GFOD1: variants seen among roughly 807,000 people sequenced by gnomAD.
GFOD1 encodes glucose-fructose oxidoreductase domain-containing protein 1.
GFOD1 carries 9 observed loss-of-function variants against 25.4 expected under a neutral mutation model. That is an observed-to-expected ratio of 0.35 (90% CI 0.21 to 0.62). GFOD1 has a LOEUF of 0.62. Ranked by LOEUF, GFOD1 falls within the 20% of genes least tolerant of loss-of-function variation. GFOD1 has a pLI of 0.72. For missense variants in GFOD1, 403 were observed against 556.9 expected, an observed-to-expected ratio of 0.72 and a Z score of 2.78; for synonymous variants, 253 against 245.6, an observed-to-expected ratio of 1.03 and a Z score of -0.28.
At chr6:13,401,065 C>T (rs994875360) in intron 1 of GFOD1, among the ~76,000 whole-genome samples, 1 of 152,182 alleles carries the variant, frequency 6.6e-6, no homozygotes, top group African/African-American at 2.4e-5. Context: ...TTTCAAATTC[C>T]TTTCTATAAA....
At chr6:13,396,924 G>A (rs1473133225) in intron 1 of GFOD1, among the ~76,000 whole-genome samples, 2 of 152,176 alleles carry the variant, frequency 1.3e-5, no homozygotes, top group African/African-American at 2.4e-5. Context: ...TATTACAACA[G>A]CAAGGGAAAC....
chr6:13,455,129 C>T (rs1286523819), intron 1 of GFOD1, among the ~76,000 whole-genome samples: 1 of 152,196 alleles, frequency 6.6e-6, no homozygotes, highest in Non-Finnish European at 1.5e-5. Flanking sequence ...CACACACCCA[C>T]ACACGCACAC....
At chr6:13,366,360 G>A (rs183666760) in intron 1 of GFOD1, among the ~76,000 whole-genome samples, 5 of 151,870 alleles carry the variant, frequency 3.3e-5, no homozygotes, top group Admixed American at 1.3e-4. Flanking sequence ...TTTTGAGATG[G>A]ATTCTCACCC....
At chr6:13,411,372 A>T (rs1189802824) in intron 1 of GFOD1, among the ~76,000 whole-genome samples, 1 of 152,138 alleles carries the variant, frequency 6.6e-6, no homozygotes, top group Non-Finnish European at 1.5e-5. Context: ...GCTCACAGCA[A>T]CCTTTACCTC....
chr6:13,367,624 G>T (rs1215544290), intron 1 of GFOD1, among the ~76,000 whole-genome samples: 1 of 152,074 alleles, frequency 6.6e-6, no homozygotes, highest in Non-Finnish European at 1.5e-5. Flanking sequence ...AGTGGTTCTG[G>T]GTCTGGGGAA....
chr6:13,360,608 A>G lies in GFOD1; in HGVS notation c.*4135T>C, dbSNP rs1784931724. On this transcript the variant is annotated 3_prime_UTR_variant, in exon 2 of 2. Transcript: ENST00000379287. Reference sequence around the variant, plus strand: ...TGCATCACCTACAATCAAAATGAACATAGGAAGTCAATTTTAAAAAAGGCT... The same window carrying G: ...TGCATCACCTACAATCAAAATGAACGTAGGAAGTCAATTTTAAAAAAGGCT... The G allele has an allele frequency of 2.3e-6, 1 of 433,828 alleles. No individual in the cohort carries two copies. Among genetic ancestry groups the G allele is most frequent in the Non-Finnish European group, 4.7e-6 (1 of 211,370 alleles). 26.9% of individuals were successfully genotyped at this position (433,828 alleles called of 1,614,324 possible). A position where few individuals can be genotyped will look rare whatever the true frequency, so the allele number is the denominator to read the frequency against.
At chr6:13,397,400 C>A (rs376888486) in intron 1 of GFOD1, among the ~76,000 whole-genome samples, 1 of 152,260 alleles carries the variant, frequency 6.6e-6, no homozygotes, top group East Asian at 1.9e-4. Flanking sequence ...GGCCCCTTGT[C>A]TCTCCATCTG....
At chr6:13,416,945 A>G (rs1023051842) in intron 1 of GFOD1, among the ~76,000 whole-genome samples, 3 of 152,210 alleles carry the variant, frequency 2.0e-5, no homozygotes, top group Non-Finnish European at 2.9e-5. Context: ...AAGAGGACCC[A>G]GGGTAGAGCC....
At chr6:13,392,158 C>G (rs773170887) in intron 1 of GFOD1, among the ~76,000 whole-genome samples, 1 of 151,720 alleles carries the variant, frequency 6.6e-6, no homozygotes, top group African/African-American at 2.4e-5. Flanking sequence ...CCCAGCAGTT[C>G]GAGACCAGCC....
intron 1 of GFOD1, among the ~76,000 whole-genome samples, chr6:13,417,307 C>T (rs1281581297): frequency 6.6e-6 from 1 of 152,186 alleles, no homozygotes; most frequent in Non-Finnish European, 1.5e-5. Flanking sequence ...GTGCCCGCCA[C>T]CACGCCCGGC....
intron 1 of GFOD1, among the ~76,000 whole-genome samples, chr6:13,379,824 C>T (rs1400535937): frequency 6.6e-6 from 1 of 152,066 alleles, no homozygotes; most frequent in Admixed American, 6.6e-5. Context: ...CTCTGAGTGC[C>T]TATTAGTAAA....
intron 1 of GFOD1, among the ~76,000 whole-genome samples, chr6:13,454,982 G>A (rs540654484): frequency 6.6e-6 from 1 of 152,176 alleles, no homozygotes; most frequent in Non-Finnish European, 1.5e-5. Flanking sequence ...GAAAGACACT[G>A]TAAAGGCATT....
chr6:13,480,720 C>T (rs1170934121), intron 1 of GFOD1, among the ~76,000 whole-genome samples: 1 of 152,130 alleles, frequency 6.6e-6, no homozygotes, highest in African/African-American at 2.4e-5. Context: ...GTCCTGGGCT[C>T]AAGCAATCCT....
chr6:13,468,316 T>G (rs1562228154), intron 1 of GFOD1, among the ~76,000 whole-genome samples: 1 of 152,212 alleles, frequency 6.6e-6, no homozygotes, highest in Non-Finnish European at 1.5e-5. Flanking sequence ...CTAGTCTTCC[T>G]ACACATAATT....
At chr6:13,411,110 A>G (rs1786069559) in intron 1 of GFOD1, among the ~76,000 whole-genome samples, 1 of 152,234 alleles carries the variant, frequency 6.6e-6, no homozygotes, top group South Asian at 2.1e-4. Context: ...TGAGACTGTC[A>G]GCAGGAATGG....
At chr6:13,482,888 A>T (rs1051698653) in intron 1 of GFOD1, among the ~76,000 whole-genome samples, 2 of 151,616 alleles carry the variant, frequency 1.3e-5, no homozygotes, top group Non-Finnish European at 2.9e-5. Context: ...TGTAAAATAT[A>T]TGCATATATT....
intron 1 of GFOD1, among the ~76,000 whole-genome samples, chr6:13,434,349 T>G (rs9349618): frequency 0.26 from 31,265 of 121,330 alleles, 5,033 homozygotes; most frequent in Middle Eastern, 0.38. Context: ...GAGGTCAAGT[T>G]CAGGGCATTA....
intron 1 of GFOD1, among the ~76,000 whole-genome samples, chr6:13,477,650 A>G (rs1393508132): frequency 6.9e-6 from 1 of 145,516 alleles, no homozygotes; most frequent in Non-Finnish European, 1.6e-5. Flanking sequence ...ATAATAATTT[A>G]ATAATAATAA....
chr6:13,451,566 A>G (rs1758099567), intron 1 of GFOD1, among the ~76,000 whole-genome samples: 1 of 152,174 alleles, frequency 6.6e-6, no homozygotes, highest in South Asian at 2.1e-4. Context: ...AGGTGGTGGC[A>G]TGGGGGCTCT....
Sources: allele counts gnomAD v4.1 joint callset (sites outside exome capture counted in the v4.1 genomes callset), GRCh38; gene constraint gnomAD v4.1.1; transcripts MANE v1.5; gene names NCBI Gene and HGNC (gene_info 2026-07-23, HGNC 2026-07-21).